PEX7: variants seen among roughly 807,000 people sequenced by gnomAD.
The protein encoded by PEX7 is PTS2 receptor.
A neutral mutation model predicts 47.5 loss-of-function variants in PEX7; 34 were observed. The observed-to-expected ratio is 0.72, with a 90% confidence interval of 0.54 to 0.95. The LOEUF (loss-of-function observed/expected upper bound fraction) is 0.95, where lower values mean the gene tolerates loss of function less well. PEX7 is among the 40% of genes least tolerant of loss of function. The pLI is 0.00. For synonymous variants in PEX7, 141 were observed against 148.8 expected (o/e 0.95, Z 0.38); for missense variants, 394 against 400.3 (o/e 0.98, Z 0.13).
intron 8 of PEX7, among the ~76,000 whole-genome samples, chr6:136,895,540 T>G (rs1265458376): frequency 6.6e-6 from 1 of 152,240 alleles, no homozygotes; most frequent in Non-Finnish European, 1.5e-5. Flanking sequence ...TTTACTGCTC[T>G]GGGTTTCAGT....
At chr6:136,837,915 T>G (rs1453949241) in intron 3 of PEX7, among the ~76,000 whole-genome samples, 1 of 151,986 alleles carries the variant, frequency 6.6e-6, no homozygotes, top group Non-Finnish European at 1.5e-5. Context: ...CCATTGAAGA[T>G]TATTAGGACA....
Position 136,900,409 on chromosome 6 carries a change from T to TTTG in PEX7, c.903+2169_903+2171dup. The TTTG allele has an allele frequency of 2.5e-6, 1 of 394,520 alleles. No individual in the cohort carries two copies. Among genetic ancestry groups the TTTG allele is most frequent in the Admixed American group, 2.5e-5 (1 of 39,750 alleles). The allele number at this position is 394,520 out of a possible 1,614,324, so 24.4% of individuals were successfully genotyped here. A position where few individuals can be genotyped will look rare whatever the true frequency, so the allele number is the denominator to read the frequency against. ...CAGTTTAGTGGCAGGTTCTTTAGCC[T>TTTG]TTGCCTTTTCCAGCTTGGCAGTGTG... On this transcript the variant is annotated intron_variant, in intron 9 of 9. Coordinates refer to ENST00000318471, the MANE Select transcript of PEX7 (RefSeq NM_000288.4). This position sits in a 1 kb window ranked among gnomAD's most constrained non-coding sequence, Gnocchi z 4.2.
rs1775423103 is a variant in PEX7, at chr6:136,883,924, A to AT, written c.803+11679dup. Among the ~76,000 whole-genome samples, 3 of 152,136 alleles carry AT rather than the reference A, an allele frequency of 2.0e-5. No homozygotes were observed. In the South Asian group the frequency reaches 6.2e-4, roughly 32 times the overall value. On this transcript the variant is annotated intron_variant, in intron 8 of 9. Coordinates refer to ENST00000318471, the MANE Select transcript of PEX7 (RefSeq NM_000288.4). ...ACAGGCAGTATATAGAAGCAACATC[A>AT]TTTTTTTTAGAAATATAATTTTAAT...
At chr6:136,830,533 ATTG>A (rs1191181521) in intron 3 of PEX7, among the ~76,000 whole-genome samples, 1 of 152,200 alleles carries the variant, frequency 6.6e-6, no homozygotes, top group African/African-American at 2.4e-5. Context: ...TCTTCTGTCT[ATTG>A]TTTAACTGGT....
At chr6:136,854,236 G>A (rs546724683) in intron 5 of PEX7, among the ~76,000 whole-genome samples, 3 of 152,018 alleles carry the variant, frequency 2.0e-5, no homozygotes, top group South Asian at 2.1e-4. Context: ...TAGCTCTGTC[G>A]CCCAGGCTGG....
In PEX7 at chr6:136,831,906, C is replaced by T. The variant is rs560933986; in HGVS notation, c.339+5437C>T. On this transcript the variant is annotated intron_variant, in intron 3 of 9. Coordinates refer to ENST00000318471, the MANE Select transcript of PEX7 (RefSeq NM_000288.4). ...GCTTTCACTGGCTGGCATTGAGTGC[C>T]TGTGGCTTTTCCAGCTGTACAATAC... is the stretch of plus-strand genomic sequence containing the variant. 2.0e-5 allele frequency among the ~76,000 whole-genome samples: 3 copies of T among 152,390 alleles called. No homozygotes were observed. The South Asian group carries it at 6.2e-4, about 32-fold the overall frequency.
intron 5 of PEX7, among the ~76,000 whole-genome samples, chr6:136,857,657 G>T (rs1453222840): frequency 6.9e-6 from 1 of 144,516 alleles, no homozygotes; most frequent in Non-Finnish European, 1.5e-5. Context: ...GCTGTTAGGA[G>T]ACTTTCTTTG....
intron 9 of PEX7, among the ~76,000 whole-genome samples, chr6:136,902,512 G>A (rs1775769433): frequency 6.6e-6 from 1 of 152,154 alleles, no homozygotes. Context: ...ATTCTTTAAG[G>A]ATAATTGCTG....
At chr6:136,872,781 G>A (rs1301773216) in intron 8 of PEX7, among the ~76,000 whole-genome samples, 1 of 152,022 alleles carries the variant, frequency 6.6e-6, no homozygotes, top group Non-Finnish European at 1.5e-5. Flanking sequence ...TACCACAGAG[G>A]ATTTATTTTC....
intron 9 of PEX7, among the ~76,000 whole-genome samples, chr6:136,903,180 A>G (rs1021500846): frequency 2.6e-5 from 4 of 152,192 alleles, no homozygotes; most frequent in African/African-American, 4.8e-5. Context: ...CTACCCCTGT[A>G]TAACCACTAT....
At chr6:136,858,883 G>A (rs879687354) in intron 5 of PEX7, among the ~76,000 whole-genome samples, 9 of 152,078 alleles carry the variant, frequency 5.9e-5, no homozygotes, top group Admixed American at 1.3e-4. Context: ...GCTTACGGAC[G>A]AGTGTTTATT....
At chr6:136,834,621 A>T (rs1418249711) in intron 3 of PEX7, among the ~76,000 whole-genome samples, 1 of 152,218 alleles carries the variant, frequency 6.6e-6, no homozygotes, top group Admixed American at 6.5e-5. Context: ...CCTGGAGCAT[A>T]GAGTGTGTGT....
intron 5 of PEX7, among the ~76,000 whole-genome samples, chr6:136,848,811 C>T (rs1007472135): frequency 6.6e-6 from 1 of 151,826 alleles, no homozygotes; most frequent in Non-Finnish European, 1.5e-5. Flanking sequence ...CTAAAATTCT[C>T]TTTTTTTTGT....
intron 5 of PEX7, among the ~76,000 whole-genome samples, chr6:136,859,763 C>T (rs2115199846): frequency 6.6e-6 from 1 of 152,272 alleles, no homozygotes; most frequent in South Asian, 2.1e-4. Flanking sequence ...TGGCTCACAT[C>T]TGTAATCCCA....
At chr6:136,858,048 T>C (rs1469502751) in intron 5 of PEX7, among the ~76,000 whole-genome samples, 1 of 152,206 alleles carries the variant, frequency 6.6e-6, no homozygotes, top group Non-Finnish European at 1.5e-5. Flanking sequence ...ACTCCTGGGC[T>C]CAAGCAATCC....
Position 136,826,457 on chromosome 6 carries a change from A to G in PEX7, c.327A>G (p.Glu109=). 1 of 1,614,056 alleles carries G rather than the reference A, an allele frequency of 6.2e-7. No individual in the cohort carries two copies. The highest frequency in any genetic ancestry group is 1.3e-5 in the African/African-American group (1 of 74,986). The change falls in exon 3 of 10, where the codon GAA becomes GAG. Residue 109 remains glutamate, a synonymous_variant. Coordinates refer to ENST00000318471, the MANE Select transcript of PEX7 (RefSeq NM_000288.4). ...KAAGPLQVYK[E]HAQEVYSVDW... ...CAGGGCCACTGCAAGTCTATAAAGA[A>G]CACGCTCAGGAGGTAGGAGGGAAAT...
chr6:136,845,506 T>C (rs1774579042), intron 3 of PEX7, 109 bp from the exon 4 acceptor site: 1 of 745,672 alleles, frequency 1.3e-6, no homozygotes, highest in East Asian at 2.6e-5. Flanking sequence ...TTTGATGTTT[T>C]GACATAGTAA....
intron 9 of PEX7, chr6:136,901,061 G>T: frequency 5.3e-6 from 1 of 189,094 alleles, no homozygotes; most frequent in South Asian, 1.2e-4. Flanking sequence ...AGAATTCTTA[G>T]GCCTTTACTC....
chr6:136,837,812 CCACACACA>C (rs34680868), intron 3 of PEX7, among the ~76,000 whole-genome samples: 16 of 146,812 alleles, frequency 1.1e-4, no homozygotes, highest in African/African-American at 3.0e-4. Context: ...AATTTAAACG[CCACACACA>C]CACACACACA....
Sources: allele counts gnomAD v4.1 joint callset (sites outside exome capture counted in the v4.1 genomes callset), GRCh38; gene constraint gnomAD v4.1.1; non-coding constraint Gnocchi (gnomAD v3.1); transcripts MANE v1.5; gene names NCBI Gene and HGNC (gene_info 2026-07-23, HGNC 2026-07-21).